The following ATP13A3 variants were observed in gnomAD, a reference collection of about 807,000 sequenced individuals.
The protein encoded by ATP13A3 is polyamine-transporting ATPase 13A3.
A neutral mutation model predicts 158.1 loss-of-function variants in ATP13A3; 59 were observed. The ratio of observed to expected loss-of-function variants is 0.37; its 90% confidence interval spans 0.30 to 0.46. ATP13A3 has a LOEUF of 0.46. Among genes scored for constraint, ATP13A3 ranks in the 20% least tolerant of loss-of-function variants. The pLI, the probability that ATP13A3 is intolerant of heterozygous loss-of-function variation, is 1.00. For synonymous variants in ATP13A3, 491 were observed against 504.3 expected (o/e 0.97, Z 0.35); for missense variants, 1,166 against 1,525.2 (o/e 0.76, Z 3.92).
rs541475998 is a variant in ATP13A3 at position 194,445,121 on chromosome 3, C to T, written c.1498-335G>A. Among the ~76,000 whole-genome samples, 19 of 151,932 alleles carry T rather than the reference C, an allele frequency of 1.3e-4. No homozygotes were observed. The East Asian group carries it at 3.5e-3, about 28-fold the overall frequency. On this transcript the variant is annotated intron_variant, in intron 14 of 33. Coordinates refer to ENST00000645319, the MANE Select transcript of ATP13A3 (RefSeq NM_001367549.1). ...TATCTTATCAATCAATAAAGGATGC[C>T]TATAAAGCAAAAAAGGAAGGATTAC...
At chr3:194,445,580 T>G (rs955356353) in intron 14 of ATP13A3, among the ~76,000 whole-genome samples, 1 of 152,234 alleles carries the variant, frequency 6.6e-6, no homozygotes, top group Non-Finnish European at 1.5e-5. Flanking sequence ...CACACATCTT[T>G]TCTCCACTTT....
At chr3:194,457,466 A>T (rs1047349593) in intron 6 of ATP13A3, among the ~76,000 whole-genome samples, 2 of 152,210 alleles carry the variant, frequency 1.3e-5, no homozygotes, top group African/African-American at 4.8e-5. Flanking sequence ...CATTATCCTT[A>T]AGACTGTGCC....
rs759315352 is a variant in ATP13A3, at chr3:194,437,175, T to C, written c.2040A>G (p.Lys680=). 6.2e-7 allele frequency: 1 copy of C among 1,613,908 alleles called. No homozygotes were observed. The part of the protein sequence containing the change: ...DFQNVLEDFT[K]QGFRVIALAH... ...CAAGAGCAATCACACGGAAGCCCTG[T>C]TTAGTGAAGTCTTCCAAAACGTTTT... The change falls in exon 20 of 34, where the codon AAA becomes AAG. Residue 680 remains lysine (K), a synonymous_variant. Coordinates refer to ENST00000645319, the MANE Select transcript of ATP13A3 (RefSeq NM_001367549.1).
chr3:194,488,347 T>C (rs1474777415), upstream of ATP13A3: 1 of 152,430 alleles, frequency 6.6e-6, no homozygotes, highest in African/African-American at 2.4e-5. The surrounding 1 kb of genome is among the most constrained non-coding windows in gnomAD (Gnocchi z 4.1). Context: ...CCTTGCTGCT[T>C]CCTCTCAGCC....
At chr3:194,453,308 G>A (rs1036342116) in intron 10 of ATP13A3, among the ~76,000 whole-genome samples, 13 of 149,576 alleles carry the variant, frequency 8.7e-5, no homozygotes, top group South Asian at 4.3e-4. Context: ...AAAAAAGGCC[G>A]GGTGCACAGT....
rs752154058 is a variant in ATP13A3, at chr3:194,448,530, C to G, written c.1077G>C (p.Leu359Phe). ...TCTGAATAACAGTTGTCCCACAAAACAAAGTATGTCGTTTATGTGTTTCTG... is the reference window on the plus strand; with the variant it reads ...TCTGAATAACAGTTGTCCCACAAAAGAAAGTATGTCGTTTATGTGTTTCTG... ...YNPETHKRHT[L>F]FCGTTVIQTR... Residue 359 changes from leucine (L) to phenylalanine (F), a missense_variant, in exon 12 of 34, where the codon TTG becomes TTC. Transcript: ENST00000645319. The surrounding 1 kb of genome is among the most constrained non-coding windows in gnomAD (Gnocchi z 4.0). The G allele has an allele frequency of 6.2e-7, 1 of 1,614,084 alleles. No homozygotes were observed. Among genetic ancestry groups the G allele is most frequent in the Admixed American group, 1.7e-5 (1 of 60,022 alleles).
intron 16 of ATP13A3, 85 bp downstream of exon 16, chr3:194,441,226 A>C: frequency 8.7e-7 from 1 of 1,145,816 alleles, no homozygotes; most frequent in Admixed American, 2.3e-5. Flanking sequence ...TAAAACAAAA[A>C]GCAGAAATAA....
intron 2 of ATP13A3, among the ~76,000 whole-genome samples, chr3:194,477,721 C>T (rs1475599110): frequency 6.6e-5 from 10 of 152,194 alleles, no homozygotes; most frequent in African/African-American, 1.9e-4. Context: ...GACACTCTAT[C>T]GCACAGAAAG....
intron 33 of ATP13A3, among the ~76,000 whole-genome samples, chr3:194,406,706 AT>A (rs1324829708): frequency 6.6e-6 from 1 of 152,182 alleles, no homozygotes. Context: ...CCGCATGATC[AT>A]TTTTGGAAGA....
intron 3 of ATP13A3, among the ~76,000 whole-genome samples, chr3:194,461,411 G>T (rs936001561): frequency 6.6e-6 from 1 of 152,022 alleles, no homozygotes; most frequent in Non-Finnish European, 1.5e-5. Flanking sequence ...TGTTATTTCT[G>T]TTGCACAATA....
chr3:194,413,673 T>C (rs1715601845), intron 32 of ATP13A3, 86 bp downstream of exon 32: 1 of 1,180,736 alleles, frequency 8.5e-7, no homozygotes, highest in African/African-American at 1.5e-5. Context: ...TTCCATTATA[T>C]TACCTGCCCT....
chr3:194,479,376 A>T (rs1167246273), intron 2 of ATP13A3, among the ~76,000 whole-genome samples: 6 of 152,192 alleles, frequency 3.9e-5, no homozygotes. Context: ...TTTACTTAGT[A>T]TACTAATCTA....
chr3:194,418,624 T>C (rs1716064126), intron 31 of ATP13A3, among the ~76,000 whole-genome samples: 1 of 152,146 alleles, frequency 6.6e-6, no homozygotes, highest in South Asian at 2.1e-4. Context: ...TGATATAACA[T>C]TTTACACCCA....
intron 2 of ATP13A3, among the ~76,000 whole-genome samples, chr3:194,465,320 C>G (rs1269862833): frequency 2.0e-5 from 3 of 152,128 alleles, no homozygotes; most frequent in African/African-American, 7.2e-5. Flanking sequence ...GTTTGCTGGT[C>G]AGATCACCAG....
At chr3:194,481,883 A>G (rs1720766891) in intron 2 of ATP13A3, among the ~76,000 whole-genome samples, 1 of 152,204 alleles carries the variant, frequency 6.6e-6, no homozygotes, top group Admixed American at 6.5e-5. Flanking sequence ...GAATCAACAA[A>G]AAAGACAAAA....
intron 30 of ATP13A3, among the ~76,000 whole-genome samples, chr3:194,421,085 T>G (rs1425197979): frequency 1.4e-5 from 1 of 69,178 alleles, no homozygotes; most frequent in Non-Finnish European, 2.8e-5. Context: ...TATATTATTT[T>G]TATGTTTATA....
intron 33 of ATP13A3, among the ~76,000 whole-genome samples, chr3:194,409,710 T>C: frequency 7.0e-6 from 1 of 141,962 alleles, no homozygotes; most frequent in East Asian, 2.0e-4. Flanking sequence ...TTTTTTTTTT[T>C]TTTTTTTTTT....
At chr3:194,415,676 T>TGTTTTTTTTTTTTG (rs1202287114) in intron 31 of ATP13A3, among the ~76,000 whole-genome samples, 2 of 143,646 alleles carry the variant, frequency 1.4e-5, no homozygotes, top group African/African-American at 5.2e-5. Context: ...TTTTTTTTTT[T>TGTTTTTTTTTTTTG]TTTTTTTTTT....
intron 33 of ATP13A3, 52 bp downstream of exon 33, chr3:194,412,147 G>A (rs1715484981): frequency 7.3e-7 from 1 of 1,370,416 alleles, no homozygotes; most frequent in Admixed American, 2.0e-5. Context: ...GAGTACACAA[G>A]CAGAGAGCCT....
Sources: gnomAD v4.1 joint callset for allele counts (sites outside exome capture counted in the v4.1 genomes callset) on GRCh38, gnomAD v4.1.1 for gene constraint, Gnocchi (gnomAD v3.1) non-coding constraint, MANE v1.5 for transcripts, NCBI Gene and HGNC (gene_info 2026-07-23, HGNC 2026-07-21) for gene names.